The following KLF4 variants were observed in gnomAD, a reference collection of about 807,000 sequenced individuals.
The protein encoded by KLF4 is Krueppel-like factor 4.
In KLF4, 14 loss-of-function variants were observed where a neutral mutation model predicts 38.0. That is an observed-to-expected ratio of 0.37 (90% CI 0.24 to 0.58). The LOEUF is 0.58. KLF4 is among the 20% of genes least tolerant of loss of function. The probability of loss-of-function intolerance (pLI) is 0.76; values close to 1 mark genes in which losing one functional copy is unlikely to be tolerated. For missense variants in KLF4, 737 were observed against 670.1 expected, an observed-to-expected ratio of 1.10 and a Z score of -1.10; for synonymous variants, 398 against 302.5, an observed-to-expected ratio of 1.32 and a Z score of -3.28.
rs1829136869 is a variant in KLF4, at chr9:107,488,779, A to T, written c.126+151T>A. ...GGGCATACACAGCTGAGCCAAGGAC[A>T]CGGAAGCTATCCCGGGAAGGTTGCG... On this transcript the variant is annotated intron_variant, in intron 2 of 4. Coordinates refer to ENST00000374672, the MANE Select transcript of KLF4 (RefSeq NM_004235.6). This position sits in a 1 kb window ranked among gnomAD's most constrained non-coding sequence, Gnocchi z 5.7. The T allele has an allele frequency of 2.6e-6, 3 of 1,144,038 alleles. No homozygotes were observed. The highest frequency in any genetic ancestry group is 3.6e-6 in the Non-Finnish European group (3 of 824,496). The allele number at this position is 1,144,038 out of a possible 1,614,324, so 70.9% of individuals were successfully genotyped here.
In KLF4 at chr9:107,487,019, T is replaced by TCC. The variant is rs750782957; in HGVS notation, c.1264+7_1264+8dup. 6.2e-7 allele frequency: 1 copy of TCC among 1,614,084 alleles called. No individual in the cohort carries two copies. The highest frequency in any genetic ancestry group is 8.5e-7 in the Non-Finnish European group (1 of 1,180,014). On this transcript the variant is annotated intron_variant, in intron 4 of 4. Transcript: ENST00000374672. The surrounding 1 kb of genome is among the most constrained non-coding windows in gnomAD (Gnocchi z 6.1). Reference sequence around the variant, plus strand: ...TAACCCCCCTCCCTTCTGCAGTTTGTCCCCCTACCTGTGTGGGTTCGCAGG... The same window carrying TCC: ...TAACCCCCCTCCCTTCTGCAGTTTGTCCCCCCCTACCTGTGTGGGTTCGCAGG...
chr9:107,488,144 C>T lies in KLF4; in HGVS notation c.250G>A (p.Gly84Ser), dbSNP rs1829118910. Residue 84 changes from glycine to serine, a missense_variant, in exon 3 of 5, where the codon GGC (glycine) becomes AGC (serine). By Grantham distance (56) the Gly-to-Ser change is moderately conservative. Around this residue, in one of 2 missense-constraint regions of KLF4, gnomAD observed 695 missense variants for 554.5 expected, o/e 1.25. Coordinates refer to ENST00000374672, the MANE Select transcript of KLF4 (RefSeq NM_004235.6). The surrounding 1 kb of genome is among the most constrained non-coding windows in gnomAD (Gnocchi z 5.7). ...GGTAGGGGCGCCAGGTTGCTACCGC[C>T]GCAAGCCGCACCGGCTCCGCCGCTC... ...LESGGAGAAC[G>S]GSNLAPLPRR... is the part of the protein sequence containing the mutation. 1.2e-6 allele frequency: 2 copies of T among 1,612,302 alleles called. No individual in the cohort carries two copies. The highest frequency in any genetic ancestry group is 3.3e-5 in the Admixed American group (2 of 60,002).
chr9:107,486,052 T>C lies in KLF4; in HGVS notation c.1265-126A>G, dbSNP rs1829057840. On this transcript the variant is annotated intron_variant, in intron 4 of 4. Transcript: ENST00000374672. ...TCCTAAAGAAATCCAGGAATGTCTT[T>C]ATACCACTGAAGGGGTGTATTGAAT... 3.5e-5 allele frequency: 27 copies of C among 764,974 alleles called. No individual in the cohort carries two copies. In the South Asian group the frequency reaches 4.6e-4, roughly 13 times the overall value. 47.4% of individuals were successfully genotyped at this position (764,974 alleles called of 1,614,324 possible). A position where few individuals can be genotyped will look rare whatever the true frequency, so the allele number is the denominator to read the frequency against.
In KLF4 at chr9:107,489,619, A is replaced by G. The variant is rs1380720863; in HGVS notation, c.-447T>C. The G allele has an allele frequency of 8.0e-6, 1 of 124,996 alleles. No homozygotes were observed. The highest frequency in any genetic ancestry group is 1.4e-5 in the Non-Finnish European group (1 of 72,674). The allele number at this position is 124,996 out of a possible 1,614,324, so 7.7% of individuals were successfully genotyped here. A position where few individuals can be genotyped will look rare whatever the true frequency, so the allele number is the denominator to read the frequency against. ...TGAGTTGTGTGGAGCGCGCGCGGCC[A>G]TGGGCGCGGGCCACGGGCGGGTGGG... On this transcript the variant is annotated 5_prime_UTR_variant, in exon 1 of 5. It removes an upstream start codon present in the reference 5' UTR. Coordinates refer to ENST00000374672, the MANE Select transcript of KLF4 (RefSeq NM_004235.6).
At position 107,487,539 on chromosome 9, in the gene KLF4, G is replaced by A. The variant is rs763566474; in HGVS notation, c.855C>T (p.Cys285=). The change falls in exon 3 of 5, where the codon TGC becomes TGT. Residue 285 remains cysteine (C), a synonymous_variant. Coordinates refer to ENST00000374672, the MANE Select transcript of KLF4 (RefSeq NM_004235.6). This position sits in a 1 kb window ranked among gnomAD's most constrained non-coding sequence, Gnocchi z 6.1. ...GAGGGGGTCCAGCGCCCAAGTGGGT[G>A]CACGAAGAGACCGCCTCCTGCTTGA... ...PKIKQEAVSS[C]THLGAGPPLS... is the part of the protein sequence containing the mutation. The A allele has an allele frequency of 1.3e-6, 2 of 1,564,494 alleles. No homozygotes were observed. The highest frequency in any genetic ancestry group is 2.4e-5 in the South Asian group (2 of 83,090).
chr9:107,488,819 G>A lies in KLF4; in HGVS notation c.126+111C>T, dbSNP rs997823168. 2 of 1,408,234 alleles carry A rather than the reference G, an allele frequency of 1.4e-6. No individual in the cohort carries two copies. The highest frequency in any genetic ancestry group is 1.9e-6 in the Non-Finnish European group (2 of 1,051,488). The allele number at this position is 1,408,234 out of a possible 1,614,324, so 87.2% of individuals were successfully genotyped here. On this transcript the variant is annotated intron_variant, in intron 2 of 4. Transcript: ENST00000374672. This position sits in a 1 kb window ranked among gnomAD's most constrained non-coding sequence, Gnocchi z 5.7. ...GGAAGGTTGCGGAGTCCGCGCGGTGGCCGCTCCTTACCCTCGTTCAGTGGC... is the reference window on the plus strand; with the variant it reads ...GGAAGGTTGCGGAGTCCGCGCGGTGACCGCTCCTTACCCTCGTTCAGTGGC...
Position 107,485,742 on chromosome 9 carries a change from G to A in KLF4, c.*9C>T. On this transcript the variant is annotated 3_prime_UTR_variant, in exon 5 of 5. Coordinates refer to ENST00000374672, the MANE Select transcript of KLF4 (RefSeq NM_004235.6). This position sits in a 1 kb window ranked among gnomAD's most constrained non-coding sequence, Gnocchi z 4.9. The stretch of plus-strand genomic sequence containing the variant: ...TCTGGCAGTGTGGGTCATATCCACT[G>A]TCTGGGATTTAAAAATGCCTCTTCA... The A allele has an allele frequency of 8.2e-6, 13 of 1,578,728 alleles. No homozygotes were observed. Among genetic ancestry groups the A allele is most frequent in the Non-Finnish European group, 9.4e-6 (11 of 1,165,328 alleles).
At position 107,488,461 on chromosome 9, in the gene KLF4, T is replaced by C; in HGVS notation, c.127-194A>G. The C allele has an allele frequency of 2.0e-6, 2 of 984,832 alleles. No individual in the cohort carries two copies. The highest frequency in any genetic ancestry group is 2.9e-6 in the Non-Finnish European group (2 of 690,206). The allele number at this position is 984,832 out of a possible 1,614,324, so 61.0% of individuals were successfully genotyped here. A position where few individuals can be genotyped will look rare whatever the true frequency, so the allele number is the denominator to read the frequency against. On this transcript the variant is annotated intron_variant, in intron 2 of 4. Coordinates refer to ENST00000374672, the MANE Select transcript of KLF4 (RefSeq NM_004235.6). This position sits in a 1 kb window ranked among gnomAD's most constrained non-coding sequence, Gnocchi z 5.7. Reference sequence around the variant, plus strand: ...CGGGTCGAAGAAGAGGTGATGCGTCTGTATTGCGGGTGTTATGTCCTGTCT... The same window carrying C: ...CGGGTCGAAGAAGAGGTGATGCGTCCGTATTGCGGGTGTTATGTCCTGTCT...
In KLF4 at chr9:107,487,429, T is replaced by C. The variant is rs1481120764; in HGVS notation, c.965A>G (p.Glu322Gly). The C allele has an allele frequency of 2.0e-6, 3 of 1,519,894 alleles. No individual in the cohort carries two copies. Among genetic ancestry groups the C allele is most frequent in the Admixed American group, 4.4e-5 (2 of 45,104 alleles). The allele number at this position is 1,519,894 out of a possible 1,614,324, so 94.2% of individuals were successfully genotyped here. ...ACAGTCCCTGCTGCTCAGCACTTCC[T>C]CAAGACCCAGGGTCGGGGTAGTCCT... ...PSRTTPTLGL[E>G]EVLSSRDCHP... Residue 322 changes from glutamate to glycine, a missense_variant, in exon 3 of 5, where the codon GAG becomes GGG. By Grantham distance (98) the Glu-to-Gly change is moderately conservative. Coordinates refer to ENST00000374672, the MANE Select transcript of KLF4 (RefSeq NM_004235.6). The surrounding 1 kb of genome is among the most constrained non-coding windows in gnomAD (Gnocchi z 6.1).
Position 107,489,153 on chromosome 9 carries a change from G to T in KLF4, c.5+15C>A. The T allele has an allele frequency of 6.5e-7, 1 of 1,533,002 alleles. No homozygotes were observed. The highest frequency in any genetic ancestry group is 2.5e-5 in the East Asian group (1 of 40,748). 95.0% of individuals were successfully genotyped at this position (1,533,002 alleles called of 1,614,324 possible). A position where few individuals can be genotyped will look rare whatever the true frequency, so the allele number is the denominator to read the frequency against. On this transcript the variant is annotated intron_variant, in intron 1 of 4. Coordinates refer to ENST00000374672, the MANE Select transcript of KLF4 (RefSeq NM_004235.6). Reference sequence around the variant, plus strand: ...CTCACCCCTCCCTGCTCCCAGCGCCGCGCGCCTCACCTACCTCATTAATGT... The same window carrying T: ...CTCACCCCTCCCTGCTCCCAGCGCCTCGCGCCTCACCTACCTCATTAATGT...
chr9:107,486,317 G>A (rs1033919731), intron 4 of KLF4, among the ~76,000 whole-genome samples: 17 of 152,092 alleles, frequency 1.1e-4, no homozygotes, highest in African/African-American at 4.1e-4. Flanking sequence ...TACTACGACT[G>A]GGGATAAAAA....
At position 107,488,815 on chromosome 9, in the gene KLF4, G is replaced by C; in HGVS notation, c.126+115C>G. On this transcript the variant is annotated intron_variant, in intron 2 of 4. Transcript: ENST00000374672. The surrounding 1 kb of genome is among the most constrained non-coding windows in gnomAD (Gnocchi z 5.7). ...CCCGGGAAGGTTGCGGAGTCCGCGC[G>C]GTGGCCGCTCCTTACCCTCGTTCAG... 2 of 1,383,320 alleles carry C rather than the reference G, an allele frequency of 1.4e-6. No homozygotes were observed. Among genetic ancestry groups the C allele is most frequent in the Admixed American group, 2.5e-5 (1 of 40,716 alleles). 85.7% of individuals were successfully genotyped at this position (1,383,320 alleles called of 1,614,324 possible).
rs1587922588 is a variant in KLF4 at position 107,488,317 on chromosome 9, A to G, written c.127-50T>C. On this transcript the variant is annotated intron_variant, in intron 2 of 4. Coordinates refer to ENST00000374672, the MANE Select transcript of KLF4 (RefSeq NM_004235.6). The surrounding 1 kb of genome is among the most constrained non-coding windows in gnomAD (Gnocchi z 5.7). ...CTGTCAGTGGTGGTCCCCTGTTGCCACCCGACATACTGACGTGCTGGCGGG... is the reference window on the plus strand; with the variant it reads ...CTGTCAGTGGTGGTCCCCTGTTGCCGCCCGACATACTGACGTGCTGGCGGG... 2 of 1,498,464 alleles carry G rather than the reference A, an allele frequency of 1.3e-6. No homozygotes were observed. The highest frequency in any genetic ancestry group is 2.8e-5 in the African/African-American group (2 of 71,778). The allele number at this position is 1,498,464 out of a possible 1,614,324, so 92.8% of individuals were successfully genotyped here. A position where few individuals can be genotyped will look rare whatever the true frequency, so the allele number is the denominator to read the frequency against.
Position 107,487,001 on chromosome 9 carries a change from C to G in KLF4, c.1264+27G>C. On this transcript the variant is annotated intron_variant, in intron 4 of 4. Coordinates refer to ENST00000374672, the MANE Select transcript of KLF4 (RefSeq NM_004235.6). This position sits in a 1 kb window ranked among gnomAD's most constrained non-coding sequence, Gnocchi z 6.1. ...GCCTATGGGGCTGGAAGCTAACCCC[C>G]CTCCCTTCTGCAGTTTGTCCCCCTA... 6.2e-7 allele frequency: 1 copy of G among 1,614,076 alleles called. No homozygotes were observed. The highest frequency in any genetic ancestry group is 8.5e-7 in the Non-Finnish European group (1 of 1,180,012).
chr9:107,488,308 C>G lies in KLF4; in HGVS notation c.127-41G>C. On this transcript the variant is annotated intron_variant, in intron 2 of 4. Coordinates refer to ENST00000374672, the MANE Select transcript of KLF4 (RefSeq NM_004235.6). The surrounding 1 kb of genome is among the most constrained non-coding windows in gnomAD (Gnocchi z 5.7). ...GGGAGAGACCTGTCAGTGGTGGTCC[C>G]CTGTTGCCACCCGACATACTGACGT... is the stretch of plus-strand genomic sequence containing the variant. The G allele has an allele frequency of 6.6e-7, 1 of 1,516,108 alleles. No individual in the cohort carries two copies. Among genetic ancestry groups the G allele is most frequent in the Non-Finnish European group, 8.8e-7 (1 of 1,136,134 alleles). The allele number at this position is 1,516,108 out of a possible 1,614,324, so 93.9% of individuals were successfully genotyped here. A position where few individuals can be genotyped will look rare whatever the true frequency, so the allele number is the denominator to read the frequency against.
At chr9:107,486,738 C>T (rs1396752064) in intron 4 of KLF4, among the ~76,000 whole-genome samples, 2 of 151,974 alleles carry the variant, frequency 1.3e-5, no homozygotes, top group Middle Eastern at 6.3e-3. Context: ...CGGGGAATCT[C>T]CTGCCTTTTA....
chr9:107,488,356 C>A lies in KLF4; in HGVS notation c.127-89G>T. The A allele has an allele frequency of 6.9e-7, 1 of 1,456,934 alleles. No individual in the cohort carries two copies. Among genetic ancestry groups the A allele is most frequent in the Non-Finnish European group, 9.0e-7 (1 of 1,109,180 alleles). The allele number at this position is 1,456,934 out of a possible 1,614,324, so 90.3% of individuals were successfully genotyped here. ...CGTGCTGGCGGGCCACGCGCGACTG[C>A]ACCGCCCAGACATGGGGACTGGTCA... On this transcript the variant is annotated intron_variant, in intron 2 of 4. Transcript: ENST00000374672. This position sits in a 1 kb window ranked among gnomAD's most constrained non-coding sequence, Gnocchi z 5.7.
chr9:107,488,077 T>A lies in KLF4; in HGVS notation c.317A>T (p.Asp106Val). Residue 106 changes from aspartate to valine, a missense_variant, in exon 3 of 5, where the codon GAC (aspartate) becomes GTC (valine). By Grantham distance (152) the Asp-to-Val change is radical. Transcript: ENST00000374672. The surrounding 1 kb of genome is among the most constrained non-coding windows in gnomAD (Gnocchi z 5.7). ...TEEFNDLLDL[D>V]FILSNSLTHP... ...GGTCAGCGAATTGGAGAGAATAAAG[T>A]CCAGGTCCAGGAGATCGTTGAACTC... The A allele has an allele frequency of 6.2e-7, 1 of 1,613,066 alleles. No individual in the cohort carries two copies. The highest frequency in any genetic ancestry group is 2.2e-5 in the East Asian group (1 of 44,834).
At chr9:107,486,977 C>A in intron 4 of KLF4, 51 bp downstream of exon 4, 1 of 1,613,642 alleles carries the variant, frequency 6.2e-7, no homozygotes, top group Non-Finnish European at 8.5e-7. Flanking sequence ...CCACTGGTAG[C>A]CTATGGGGCT....
Sources: allele counts gnomAD v4.1 joint callset (sites outside exome capture counted in the v4.1 genomes callset), GRCh38; gene constraint gnomAD v4.1.1; regional missense constraint gnomAD v4.1.1; non-coding constraint Gnocchi (gnomAD v3.1); transcripts MANE v1.5; gene names NCBI Gene and HGNC (gene_info 2026-07-23, HGNC 2026-07-21).